VPS35L: variants seen among roughly 807,000 people sequenced by gnomAD.
VPS35L encodes VPS35 endosomal protein-sorting factor-like.
VPS35L carries 83 observed loss-of-function variants against 133.0 expected under a neutral mutation model. The ratio of observed to expected loss-of-function variants is 0.62; its 90% CI spans 0.52 to 0.75. The LOEUF (loss-of-function observed/expected upper bound fraction) is 0.75. VPS35L is among the 30% of genes least tolerant of loss of function. The pLI is 0.00. For synonymous variants in VPS35L, 423 were observed against 449.9 expected (o/e 0.94, Z 0.76); for missense variants, 1,083 against 1,206.8 (o/e 0.90, Z 1.52).
intron 27 of VPS35L, among the ~76,000 whole-genome samples, chr16:19,679,943 C>T (rs1257069279): frequency 6.6e-6 from 1 of 152,240 alleles, no homozygotes; most frequent in South Asian, 2.1e-4. Context: ...CAATGCTGCT[C>T]ATACTCCACA....
intron 26 of VPS35L, among the ~76,000 whole-genome samples, chr16:19,653,604 A>G (rs1231471952): frequency 6.6e-6 from 1 of 152,226 alleles, no homozygotes; most frequent in African/African-American, 2.4e-5. Context: ...GCCTAAAGGA[A>G]TGCCGGGGCA....
intron 9 of VPS35L, among the ~76,000 whole-genome samples, chr16:19,605,751 C>T (rs982457903): frequency 5.9e-5 from 9 of 152,196 alleles, no homozygotes; most frequent in African/African-American, 2.2e-4. Flanking sequence ...ACTCAAGTCA[C>T]TCTTTATTCC....
At chr16:19,664,908 A>G (rs1001153137) in intron 26 of VPS35L, among the ~76,000 whole-genome samples, 2 of 151,992 alleles carry the variant, frequency 1.3e-5, no homozygotes, top group African/African-American at 4.8e-5. Flanking sequence ...TAAAAAAAAA[A>G]AAAAACAAAA....
chr16:19,668,572 A>C (rs141990038), intron 26 of VPS35L, among the ~76,000 whole-genome samples: 37 of 149,422 alleles, frequency 2.5e-4, no homozygotes, highest in African/African-American at 9.0e-4. Context: ...GCTGATGTTA[A>C]TCAGAAGCCT....
At position 19,700,494 on chromosome 16, in the gene VPS35L, A is replaced by G. The variant is rs1976091685; in HGVS notation, c.*18A>G. The G allele has an allele frequency of 1.2e-6, 2 of 1,600,452 alleles. No homozygotes were observed. The highest frequency in any genetic ancestry group is 2.7e-5 in the African/African-American group (2 of 74,616). ...GGACCTGACCCCCGGGCCCATCCCC[A>G]GGCTCAGGGACTCTGGTGCCAAATC... is the stretch of plus-strand genomic sequence containing the variant. On this transcript the variant is annotated 3_prime_UTR_variant, in exon 31 of 31. Transcript: ENST00000417362.
At chr16:19,632,276 T>C (rs1463431198) in intron 18 of VPS35L, among the ~76,000 whole-genome samples, 1 of 152,238 alleles carries the variant, frequency 6.6e-6, no homozygotes, top group African/African-American at 2.4e-5. Context: ...TTACTAATTA[T>C]TTAATATCAT....
rs71146263 is a variant in VPS35L, at chr16:19,588,158, A to AGTATGTATGTATGTATGTATGTAT, written c.640-3623_640-3600dup. On this transcript the variant is annotated intron_variant, in intron 7 of 30. Transcript: ENST00000417362. ...AGCAAGTTTGAAACTGGGTAATATAAGTATGTATGTATGTATGTATGTATG... is the reference window on the plus strand; with the variant it reads ...AGCAAGTTTGAAACTGGGTAATATAAGTATGTATGTATGTATGTATGTATGTATGTATGTATGTATGTATGTATG... Among the ~76,000 whole-genome samples, 132 of 147,572 alleles carry AGTATGTATGTATGTATGTATGTAT rather than the reference A, an allele frequency of 8.9e-4. 2 individuals are homozygous for AGTATGTATGTATGTATGTATGTAT. Among genetic ancestry groups the AGTATGTATGTATGTATGTATGTAT allele is most frequent in the African/African-American group, 2.8e-3 (114 of 40,066 alleles).
At chr16:19,561,795 C>T (rs1971037300) in intron 1 of VPS35L, among the ~76,000 whole-genome samples, 1 of 152,052 alleles carries the variant, frequency 6.6e-6, no homozygotes, top group African/African-American at 2.4e-5. Context: ...ATGAGAAGTG[C>T]ACATGTCTTT....
intron 2 of VPS35L, among the ~76,000 whole-genome samples, chr16:19,568,579 A>G (rs1468247419): frequency 6.6e-6 from 1 of 152,154 alleles, no homozygotes; most frequent in Non-Finnish European, 1.5e-5. Flanking sequence ...GCAGGAGCCC[A>G]TCGGGAGTCA....
At position 19,601,606 on chromosome 16, in the gene VPS35L, A is replaced by AT. The variant is rs563302092; in HGVS notation, c.725-55dup. On this transcript the variant is annotated intron_variant, in intron 8 of 30. Transcript: ENST00000417362. ...CTGGGTCCCTAATTAACAAACATTTATTTACTGTTTGCTCCTGAAGAGTGT... is the reference window on the plus strand; with the variant it reads ...CTGGGTCCCTAATTAACAAACATTTATTTTACTGTTTGCTCCTGAAGAGTGT... 4.4e-5 allele frequency: 68 copies of AT among 1,548,548 alleles called. No individual in the cohort carries two copies. The South Asian group carries it at 7.3e-4, about 17-fold the overall frequency.
chr16:19,660,281 TTGCACCAC>T (rs1414162443), intron 26 of VPS35L, among the ~76,000 whole-genome samples: 3 of 151,814 alleles, frequency 2.0e-5, no homozygotes, highest in African/African-American at 7.3e-5. Flanking sequence ...TGAGCCATGA[TTGCACCAC>T]TGCACTCCAG....
intron 26 of VPS35L, among the ~76,000 whole-genome samples, chr16:19,661,160 CTCTGTAAA>C (rs892173889): frequency 6.6e-6 from 1 of 151,372 alleles, no homozygotes; most frequent in African/African-American, 2.4e-5. Flanking sequence ...TTTTTGGCTT[CTCTGTAAA>C]TCTTGGTGTC....
chr16:19,681,468 G>A (rs1358866153), intron 27 of VPS35L, among the ~76,000 whole-genome samples: 3 of 152,210 alleles, frequency 2.0e-5, no homozygotes, highest in African/African-American at 7.2e-5. Context: ...CCCGCATGGG[G>A]TGGGCTAGCA....
chr16:19,685,132 T>C (rs1323847321), intron 28 of VPS35L, among the ~76,000 whole-genome samples: 3 of 152,018 alleles, frequency 2.0e-5, no homozygotes, highest in African/African-American at 7.3e-5. Context: ...CAGTGAATTG[T>C]CACAAAGTGA....
At position 19,626,088 on chromosome 16, in the gene VPS35L, T is replaced by G. The variant is rs1026224323; in HGVS notation, c.1225-89T>G. On this transcript the variant is annotated intron_variant, in intron 14 of 30. Transcript: ENST00000417362. ...TTAATGGACATGTGGCTACATTCAT[T>G]TTAGAGTTCGACTTTGGAAATCTCT... 7.3e-5 allele frequency: 60 copies of G among 824,380 alleles called. No homozygotes were observed. In the East Asian group the frequency reaches 1.7e-3, roughly 23 times the overall value. 51.1% of individuals were successfully genotyped at this position (824,380 alleles called of 1,614,324 possible).
chr16:19,600,550 A>G (rs1444121084), intron 8 of VPS35L, among the ~76,000 whole-genome samples: 1 of 152,158 alleles, frequency 6.6e-6, no homozygotes, highest in Non-Finnish European at 1.5e-5. Context: ...ATGACCTACA[A>G]AACCTCTAGT....
chr16:19,587,600 C>T (rs1241450780), intron 7 of VPS35L, among the ~76,000 whole-genome samples: 1 of 149,810 alleles, frequency 6.7e-6, no homozygotes, highest in African/African-American at 2.5e-5. Flanking sequence ...TGCCATTGCA[C>T]TCCAGCCTGG....
At chr16:19,611,462 G>A (rs373884160) in intron 12 of VPS35L, among the ~76,000 whole-genome samples, 58 of 152,298 alleles carry the variant, frequency 3.8e-4, no homozygotes, top group East Asian at 3.1e-3. Context: ...TGAGGACAAA[G>A]CTGCAGTTAG....
intron 7 of VPS35L, among the ~76,000 whole-genome samples, chr16:19,582,958 A>T (rs1226609914): frequency 6.6e-6 from 1 of 152,070 alleles, no homozygotes; most frequent in South Asian, 2.1e-4. Context: ...ACTTGAGTCC[A>T]GGAGTTTGAG....
Sources: allele counts gnomAD v4.1 joint callset (sites outside exome capture counted in the v4.1 genomes callset), GRCh38; gene constraint gnomAD v4.1.1; transcripts MANE v1.5; gene names NCBI Gene and HGNC (gene_info 2026-07-23, HGNC 2026-07-21).